PLEKHH1: variants seen among roughly 807,000 people sequenced by gnomAD.
The protein encoded by PLEKHH1 is pleckstrin homology domain-containing family H member 1.
In PLEKHH1, 104 loss-of-function variants were observed where a neutral mutation model predicts 160.0. The ratio of observed to expected loss-of-function variants is 0.65; its 90% CI spans 0.55 to 0.76. The LOEUF is 0.76. Among genes scored for constraint, PLEKHH1 ranks in the 30% least tolerant of loss-of-function variants. The pLI, the probability that PLEKHH1 is intolerant of heterozygous loss-of-function variation, is 0.00. For missense variants in PLEKHH1, 1,427 were observed against 1,724.1 expected, an observed-to-expected ratio of 0.83 and a Z score of 3.05; for synonymous variants, 619 against 678.4, an observed-to-expected ratio of 0.91 and a Z score of 1.36.
chr14:67,544,748 G>C (rs1466259931), intron 2 of PLEKHH1, among the ~76,000 whole-genome samples: 1 of 152,220 alleles, frequency 6.6e-6, no homozygotes, highest in Non-Finnish European at 1.5e-5. Context: ...TTAATGGATA[G>C]ATTAAACATC....
rs756969911 is a variant in PLEKHH1, at chr14:67,582,017, T to G, written c.3285-52T>G. The G allele has an allele frequency of 5.1e-6, 8 of 1,562,740 alleles. No individual in the cohort carries two copies. The African/African-American group carries it at 1.1e-4, about 21-fold the overall frequency. ...GGTAACAGACCCAGAGAAAGCCCCA[T>G]CCCTGTTTGGAATCCCTGCTGAGTC... On this transcript the variant is annotated intron_variant, in intron 23 of 28. Coordinates refer to ENST00000329153, the MANE Select transcript of PLEKHH1 (RefSeq NM_020715.3). The surrounding 1 kb of genome is among the most constrained non-coding windows in gnomAD (Gnocchi z 5.0).
chr14:67,586,010 C>A lies in PLEKHH1; in HGVS notation c.3846C>A (p.Asp1282Glu), dbSNP rs199944423. 559 of 1,613,694 alleles carry A rather than the reference C, an allele frequency of 3.5e-4. 1 individual carries two copies. The highest frequency in any genetic ancestry group is 3.1e-4 in the Non-Finnish European group (370 of 1,179,730). The change falls in exon 28 of 29, where the codon GAC (aspartate) becomes GAA (glutamate). Residue 1282 changes from aspartate (D) to glutamate (E), a missense_variant. Coordinates refer to ENST00000329153, the MANE Select transcript of PLEKHH1 (RefSeq NM_020715.3). ...SVTTFGGCRD[D>E]FMLVIRSIPD... is the part of the protein sequence containing the mutation. ...CAACGTTTGGTGGCTGCAGGGATGACTTCATGCTTGTGATTAGATCTATCC... is the reference window on the plus strand; with the variant it reads ...CAACGTTTGGTGGCTGCAGGGATGAATTCATGCTTGTGATTAGATCTATCC...
chr14:67,584,388 C>T (rs375629616), intron 26 of PLEKHH1, among the ~76,000 whole-genome samples: 8 of 152,348 alleles, frequency 5.3e-5, no homozygotes, highest in Admixed American at 5.2e-4. Flanking sequence ...CTTGAAATAA[C>T]AGCCCTCTCA....
chr14:67,586,851 G>T (rs1322938615), intron 28 of PLEKHH1: 1 of 1,503,098 alleles, frequency 6.7e-7, no homozygotes, highest in Non-Finnish European at 8.9e-7. Context: ...TTCTCAGAAG[G>T]GCACTGTGCA....
chr14:67,585,581 C>A lies in PLEKHH1; in HGVS notation c.3713C>A (p.Ser1238Tyr). Reference sequence around the variant, plus strand: ...CTGTTTCCCCAGCCTGCCCAGCTGTCTTCCAAGGAGAACGCTCTGGTGTGG... The same window carrying A: ...CTGTTTCCCCAGCCTGCCCAGCTGTATTCCAAGGAGAACGCTCTGGTGTGG... ...KLFAAQPAQL[S>Y]SKENALVWIA... The change falls in exon 27 of 29, where the codon TCT becomes TAT. Residue 1238 changes from serine (S) to tyrosine (Y), a missense_variant. Physicochemically the swap from Ser to Tyr is moderately radical, Grantham distance 144. Around this residue, in one of 6 missense-constraint regions of PLEKHH1, gnomAD observed 56 missense variants for 53.0 expected, o/e 1.06. Transcript: ENST00000329153. 6.3e-7 allele frequency: 1 copy of A among 1,581,570 alleles called. No individual in the cohort carries two copies. The highest frequency in any genetic ancestry group is 1.3e-5 in the African/African-American group (1 of 74,364).
chr14:67,583,864 G>C lies in PLEKHH1; in HGVS notation c.3550G>C (p.Ala1184Pro). 6.2e-7 allele frequency: 1 copy of C among 1,613,706 alleles called. No individual in the cohort carries two copies. ...CCACCCCAGGCGCTATAGACATGGG[G>C]CCCCCGCTGAACAGCTGAGGTAGGT... ...RFHPRRYRHG[A>P]PAEQLRHLAD... is the part of the protein sequence containing the mutation. Residue 1184 changes from alanine (A) to proline (P), a missense_variant, in exon 25 of 29, where the codon GCC becomes CCC. By Grantham distance (27) the Ala-to-Pro change is conservative. Coordinates refer to ENST00000329153, the MANE Select transcript of PLEKHH1 (RefSeq NM_020715.3).
At chr14:67,554,842 A>G (rs2034530816) in intron 2 of PLEKHH1, among the ~76,000 whole-genome samples, 1 of 152,214 alleles carries the variant, frequency 6.6e-6, no homozygotes, top group South Asian at 2.1e-4. Context: ...CACTTGGTGT[A>G]ATATCCAGAA....
At chr14:67,558,339 A>G (rs1416049281) in intron 4 of PLEKHH1, among the ~76,000 whole-genome samples, 1 of 152,208 alleles carries the variant, frequency 6.6e-6, no homozygotes, top group African/African-American at 2.4e-5. Flanking sequence ...CCTTCCAACC[A>G]TAATGGGCAG....
At chr14:67,543,996 G>C (rs1183183407) in intron 2 of PLEKHH1, among the ~76,000 whole-genome samples, 2 of 152,174 alleles carry the variant, frequency 1.3e-5, no homozygotes, top group Non-Finnish European at 2.9e-5. Context: ...TTTGAAGTTA[G>C]AGTTTTAATA....
At position 67,588,856 on chromosome 14, in the gene PLEKHH1, C is replaced by G. The variant is rs1173326641; in HGVS notation, c.*1621C>G. Reference sequence around the variant, plus strand: ...CTCAGCTGCTGTAAGCTTCTCCTCTCTCACCCCGTAAACTGACAAGCATGA... The same window carrying G: ...CTCAGCTGCTGTAAGCTTCTCCTCTGTCACCCCGTAAACTGACAAGCATGA... On this transcript the variant is annotated 3_prime_UTR_variant, in exon 29 of 29. Coordinates refer to ENST00000329153, the MANE Select transcript of PLEKHH1 (RefSeq NM_020715.3). 1 of 152,654 alleles carries G rather than the reference C, an allele frequency of 6.6e-6. No homozygotes were observed. The highest frequency in any genetic ancestry group is 1.5e-5 in the Non-Finnish European group (1 of 68,040). The allele number at this position is 152,654 out of a possible 1,614,324, so 9.5% of individuals were successfully genotyped here.
chr14:67,589,486 AAT>A lies in PLEKHH1; in HGVS notation c.*2253_*2254del. On this transcript the variant is annotated 3_prime_UTR_variant, in exon 29 of 29. Transcript: ENST00000329153. ...TTAATGTGCTTGACACCATGACTGA[AAT>A]ACTATGATCTTGTTTGTCAATAAAA... 1 of 985,114 alleles carries A rather than the reference AAT, an allele frequency of 1.0e-6. No individual in the cohort carries two copies. The highest frequency in any genetic ancestry group is 1.2e-6 in the Non-Finnish European group (1 of 829,618). The allele number at this position is 985,114 out of a possible 1,614,324, so 61.0% of individuals were successfully genotyped here. A position where few individuals can be genotyped will look rare whatever the true frequency, so the allele number is the denominator to read the frequency against.
chr14:67,544,204 G>T (rs981260230), intron 2 of PLEKHH1, among the ~76,000 whole-genome samples: 1 of 152,164 alleles, frequency 6.6e-6, no homozygotes. Flanking sequence ...ACTGGCACAG[G>T]AGATGACAAT....
intron 2 of PLEKHH1, among the ~76,000 whole-genome samples, chr14:67,552,311 C>G (rs754240805): frequency 6.6e-6 from 1 of 152,210 alleles, no homozygotes; most frequent in Non-Finnish European, 1.5e-5. Context: ...TGCAGAGCTC[C>G]AGGTGTGGCC....
intron 8 of PLEKHH1, 125 bp downstream of exon 8, chr14:67,569,341 C>T (rs1047460123): frequency 3.2e-6 from 2 of 634,834 alleles, no homozygotes; most frequent in Non-Finnish European, 5.5e-6. Context: ...TTCCCCTCCC[C>T]AGCAGGTGAA....
At position 67,574,999 on chromosome 14, in the gene PLEKHH1, G is replaced by A. The variant is rs754765605; in HGVS notation, c.2089-393G>A. ...CTGTTTATGTCATTCTCCTTCGCCC[G>A]TGTGCAGCTTCTGTTCCTTCATGAT... On this transcript the variant is annotated intron_variant, in intron 14 of 28. Coordinates refer to ENST00000329153, the MANE Select transcript of PLEKHH1 (RefSeq NM_020715.3). This position sits in a 1 kb window ranked among gnomAD's most constrained non-coding sequence, Gnocchi z 4.2. Among the ~76,000 whole-genome samples the A allele has an allele frequency of 6.6e-5, 10 of 152,174 alleles. No homozygotes were observed. The highest frequency in any genetic ancestry group is 1.4e-4 in the African/African-American group (6 of 41,442).
At position 67,575,815 on chromosome 14, in the gene PLEKHH1, G is replaced by C. The variant is rs1566755577; in HGVS notation, c.2170-8G>C. On this transcript the variant is annotated splice_region_variant and splice_polypyrimidine_tract_variant and intron_variant, in intron 15 of 28. Coordinates refer to ENST00000329153, the MANE Select transcript of PLEKHH1 (RefSeq NM_020715.3). ...GCTCTCCCATTCATGGAAGACTGCT[G>C]TCCACAGCGACCCCTGGGCTGCCTG... The C allele has an allele frequency of 6.2e-7, 1 of 1,610,880 alleles. No homozygotes were observed. Among genetic ancestry groups the C allele is most frequent in the Non-Finnish European group, 8.5e-7 (1 of 1,177,918 alleles).
Position 67,573,511 on chromosome 14 carries a change from G to C in PLEKHH1, c.1839+125G>C, listed in dbSNP as rs1020604322. ...AGAGGGCAAAGGTCTGGCAGGTGGG[G>C]AGAGGCAACCTCACTGGGCCCCTGA... is the stretch of plus-strand genomic sequence containing the variant. On this transcript the variant is annotated intron_variant, in intron 12 of 28. Coordinates refer to ENST00000329153, the MANE Select transcript of PLEKHH1 (RefSeq NM_020715.3). This position sits in a 1 kb window ranked among gnomAD's most constrained non-coding sequence, Gnocchi z 4.8. 1.3e-5 allele frequency: 9 copies of C among 696,438 alleles called. No individual in the cohort carries two copies. Among genetic ancestry groups the C allele is most frequent in the African/African-American group, 7.1e-5 (4 of 56,136 alleles). 43.1% of individuals were successfully genotyped at this position (696,438 alleles called of 1,614,324 possible).
At position 67,560,425 on chromosome 14, in the gene PLEKHH1, G is replaced by C. The variant is rs533694420; in HGVS notation, c.423+734G>C. Among the ~76,000 whole-genome samples the C allele has an allele frequency of 2.9e-4, 44 of 152,306 alleles. 1 individual carries two copies. The South Asian group carries it at 8.9e-3, about 31-fold the overall frequency. On this transcript the variant is annotated intron_variant, in intron 5 of 28. Coordinates refer to ENST00000329153, the MANE Select transcript of PLEKHH1 (RefSeq NM_020715.3). ...TTTAAGTGTACAATTCAGCAATTCAGTGGCATTAAGTACATTCACAGTGTT... is the reference window on the plus strand; with the variant it reads ...TTTAAGTGTACAATTCAGCAATTCACTGGCATTAAGTACATTCACAGTGTT...
At position 67,576,466 on chromosome 14, in the gene PLEKHH1, G is replaced by A. The variant is rs746070292; in HGVS notation, c.2424G>A (p.Gln808=). The change falls in exon 17 of 29, where the codon CAG becomes CAA. Residue 808 remains glutamine (Q), a synonymous_variant. Coordinates refer to ENST00000329153, the MANE Select transcript of PLEKHH1 (RefSeq NM_020715.3). This position sits in a 1 kb window ranked among gnomAD's most constrained non-coding sequence, Gnocchi z 4.0. ...SSAKVGTAYE[Q]LIGKLMDGEG... ...CCAAGGTGGGCACTGCCTATGAGCA[G>A]CTCATTGGAAAACTGATGGATGGTG... 23 of 1,606,724 alleles carry A rather than the reference G, an allele frequency of 1.4e-5. No homozygotes were observed. Among genetic ancestry groups the A allele is most frequent in the South Asian group, 3.3e-5 (3 of 90,920 alleles).
Sources: gnomAD v4.1 joint callset for allele counts (sites outside exome capture counted in the v4.1 genomes callset) on GRCh38, gnomAD v4.1.1 for gene constraint, gnomAD v4.1.1 regional missense constraint, Gnocchi (gnomAD v3.1) non-coding constraint, MANE v1.5 for transcripts, NCBI Gene and HGNC (gene_info 2026-07-23, HGNC 2026-07-21) for gene names.